The following CCR5AS variants were observed in gnomAD, a reference collection of about 807,000 sequenced individuals.
CCR5AS encodes CCR5 antisense RNA.
At chr3:46,390,969 A>G (rs928972626) in intron 2 of CCR5AS, among the ~76,000 whole-genome samples, 2 of 152,194 alleles carry the variant, frequency 1.3e-5, no homozygotes, top group African/African-American at 4.8e-5. Flanking sequence ...TGTAAGAGTT[A>G]CCCAAAGCAT....
At chr3:46,399,605 G>GA (rs889407445) in intron 1 of CCR5AS, among the ~76,000 whole-genome samples, 2 of 152,136 alleles carry the variant, frequency 1.3e-5, no homozygotes, top group Non-Finnish European at 2.9e-5. Context: ...GAAAATGTGG[G>GA]AAAAAATGAT....
At chr3:46,377,099 C>G (rs1331646878) in intron 2 of CCR5AS, among the ~76,000 whole-genome samples, 1 of 152,132 alleles carries the variant, frequency 6.6e-6, no homozygotes, top group Non-Finnish European at 1.5e-5. Context: ...GAAGGCAGTG[C>G]GGCAGGGAGG....
intron 3 of CCR5AS, among the ~76,000 whole-genome samples, chr3:46,366,455 T>C (rs971224099): frequency 2.0e-5 from 3 of 152,206 alleles, no homozygotes; most frequent in African/African-American, 7.2e-5. Context: ...TAGACACCGA[T>C]CTGAAAGAAA....
At chr3:46,389,371 G>A (rs1250954399) in intron 2 of CCR5AS, among the ~76,000 whole-genome samples, 1 of 152,158 alleles carries the variant, frequency 6.6e-6, no homozygotes, top group Non-Finnish European at 1.5e-5. Flanking sequence ...AAATGACCAG[G>A]TAGGGTCCAG....
intron 2 of CCR5AS, among the ~76,000 whole-genome samples, chr3:46,386,286 C>T (rs1022653008): frequency 3.9e-5 from 6 of 152,198 alleles, no homozygotes; most frequent in Non-Finnish European, 4.4e-5. Flanking sequence ...TTCTCTGACT[C>T]GTCCTTGAAT....
intron 2 of CCR5AS, among the ~76,000 whole-genome samples, chr3:46,380,978 T>C (rs1447192138): frequency 6.6e-6 from 1 of 152,202 alleles, no homozygotes. Context: ...GAGTCTCAAC[T>C]TTCATAACAG....
At chr3:46,390,072 A>G (rs1158286812) in intron 2 of CCR5AS, among the ~76,000 whole-genome samples, 2 of 152,160 alleles carry the variant, frequency 1.3e-5, no homozygotes, top group African/African-American at 2.4e-5. Flanking sequence ...TGGGAGGTAG[A>G]TGGGTGAAAA....
intron 1 of CCR5AS, among the ~76,000 whole-genome samples, chr3:46,406,471 C>T (rs1218871433): frequency 6.6e-6 from 1 of 152,022 alleles, no homozygotes; most frequent in Non-Finnish European, 1.5e-5. Flanking sequence ...CTCCTCCCAC[C>T]ATTCCAAATC....
In CCR5AS at chr3:46,379,897, A is replaced by T. The variant is rs547176049; in HGVS notation, n.392-8480T>A. The stretch of plus-strand genomic sequence containing the variant: ...GGGTGACAGAGTGAGACTCTGTCTC[A>T]AAATAAATAAATAAATAAATAAATA... On this transcript the variant is annotated intron_variant and non_coding_transcript_variant, in intron 2 of 3. Transcript: ENST00000451485. Among the ~76,000 whole-genome samples the T allele has an allele frequency of 4.1e-5, 6 of 146,502 alleles. No individual in the cohort carries two copies. The South Asian group carries it at 8.8e-4, about 21-fold the overall frequency.
intron 1 of CCR5AS, among the ~76,000 whole-genome samples, chr3:46,402,607 T>G (rs1381115038): frequency 2.0e-5 from 3 of 152,226 alleles, no homozygotes; most frequent in African/African-American, 7.2e-5. Context: ...TAATTGATAA[T>G]CTAAGAAAGA....
intron 2 of CCR5AS, among the ~76,000 whole-genome samples, chr3:46,384,870 TAGATAGATA>T (rs1701845680): frequency 9.8e-6 from 1 of 101,920 alleles, no homozygotes; most frequent in Non-Finnish European, 2.2e-5. Flanking sequence ...GATAGATAGA[TAGATAGATA>T]GATAGATAGA....
intron 2 of CCR5AS, chr3:46,372,790 G>A (rs3176763): frequency 1.0e-5 from 8 of 784,354 alleles, no homozygotes; most frequent in African/African-American, 8.6e-5. Flanking sequence ...CATCTATGTA[G>A]GCAATTAAAA....
At chr3:46,376,257 A>T (rs1415318492) in intron 2 of CCR5AS, 1 of 155,246 alleles carries the variant, frequency 6.4e-6, no homozygotes, top group African/African-American at 2.4e-5. Flanking sequence ...AGAATAGCAC[A>T]TAAAACTGCC....
intron 3 of CCR5AS, among the ~76,000 whole-genome samples, chr3:46,369,778 G>A (rs762323498): frequency 2.6e-5 from 4 of 152,092 alleles, no homozygotes; most frequent in Non-Finnish European, 5.9e-5. Flanking sequence ...ATACCCAGAC[G>A]AGAAAGCTGA....
In CCR5AS at chr3:46,396,284, A is replaced by G. The variant is rs147322789; in HGVS notation, n.164-3232T>C. ...TGAAAACTGGGCACTTCACACTCCA[A>G]TGATGATGGATGAGTCCCCAGCAGC... On this transcript the variant is annotated intron_variant and non_coding_transcript_variant, in intron 1 of 3. Coordinates refer to ENST00000451485, the Ensembl canonical transcript of CCR5AS. 1.3e-3 allele frequency among the ~76,000 whole-genome samples: 204 copies of G among 151,976 alleles called. 2 individuals carry two copies. Among genetic ancestry groups the G allele is most frequent in the African/African-American group, 4.6e-3 (188 of 41,260 alleles).
At chr3:46,367,365 T>TAAA (rs10714482) in intron 3 of CCR5AS, among the ~76,000 whole-genome samples, 1 of 129,608 alleles carries the variant, frequency 7.7e-6, no homozygotes. Context: ...AATCTTTAGC[T>TAAA]AAAAAAAAAA....
chr3:46,370,313 G>A (rs563762909), intron 3 of CCR5AS, among the ~76,000 whole-genome samples: 36 of 152,060 alleles, frequency 2.4e-4, no homozygotes, highest in African/African-American at 6.0e-4. Flanking sequence ...TAGCTCACCC[G>A]TGAGCCCATA....
intron 1 of CCR5AS, among the ~76,000 whole-genome samples, chr3:46,403,431 A>G (rs1702019081): frequency 6.6e-6 from 1 of 152,278 alleles, no homozygotes. Flanking sequence ...TGAACATTAA[A>G]TATAATGAGT....
At chr3:46,390,247 G>A (rs1176227519) in intron 2 of CCR5AS, among the ~76,000 whole-genome samples, 1 of 152,118 alleles carries the variant, frequency 6.6e-6, no homozygotes, top group African/African-American at 2.4e-5. Flanking sequence ...AGTAAAGAAG[G>A]CATCTTTGAG....
Sources: gnomAD v4.1 joint callset for allele counts (sites outside exome capture counted in the v4.1 genomes callset) on GRCh38, gnomAD v4.1.1 for gene constraint, MANE v1.5 for transcripts, NCBI Gene and HGNC (gene_info 2026-07-23, HGNC 2026-07-21) for gene names.